Variants in PIK3C3 observed in about 807,000 individuals in gnomAD.
PIK3C3 encodes PI3-kinase type 3.
A neutral mutation model predicts 126.1 loss-of-function variants in PIK3C3; 95 were observed. The ratio of observed to expected loss-of-function variants is 0.75; its 90% CI spans 0.64 to 0.89. PIK3C3 has a LOEUF of 0.89. PIK3C3 is among the 40% of genes least tolerant of loss of function. The probability of loss-of-function intolerance (pLI) is 0.00; values close to 1 mark genes in which losing one functional copy is unlikely to be tolerated. For missense variants in PIK3C3, 829 were observed against 1,063.2 expected (o/e 0.78, Z 3.06); for synonymous variants, 374 against 360.0 (o/e 1.04, Z -0.44).
intron 15 of PIK3C3, among the ~76,000 whole-genome samples, chr18:42,030,726 C>G (rs905298717): frequency 6.6e-6 from 1 of 152,202 alleles, no homozygotes; most frequent in African/African-American, 2.4e-5. Context: ...CCCCCTGTAG[C>G]ACCTCTCCCC....
At chr18:42,001,604 C>T (rs900194011) in intron 9 of PIK3C3, among the ~76,000 whole-genome samples, 7 of 152,130 alleles carry the variant, frequency 4.6e-5, no homozygotes, top group Admixed American at 4.6e-4. Context: ...TCTGTTGGCT[C>T]CTTGTTTACA....
At chr18:41,966,895 A>G (rs1443212540) in intron 3 of PIK3C3, among the ~76,000 whole-genome samples, 1 of 152,198 alleles carries the variant, frequency 6.6e-6, no homozygotes, top group Non-Finnish European at 1.5e-5. Flanking sequence ...AACATAACGT[A>G]AGATTTTAAT....
chr18:41,986,906 G>A (rs866066844), intron 4 of PIK3C3, among the ~76,000 whole-genome samples: 1 of 152,142 alleles, frequency 6.6e-6, no homozygotes, highest in African/African-American at 2.4e-5. Context: ...TGACCACATA[G>A]TTGTGATGAG....
At chr18:42,025,682 A>T (rs1359058228) in intron 13 of PIK3C3, 1 of 152,216 alleles carries the variant, frequency 6.6e-6, no homozygotes, top group African/African-American at 2.4e-5. Flanking sequence ...AATGACAAAC[A>T]GTGTCTTGAA....
Position 42,032,624 on chromosome 18 carries a change from T to TTTTATTTATTTA in PIK3C3, c.1708-1170_1708-1159dup, listed in dbSNP as rs139558444. Among the ~76,000 whole-genome samples the TTTTATTTATTTA allele has an allele frequency of 2.6e-3, 376 of 144,054 alleles. 1 individual carries two copies. Among genetic ancestry groups the TTTTATTTATTTA allele is most frequent in the East Asian group, 5.4e-3 (26 of 4,796 alleles). 94.5% of individuals were successfully genotyped at this position (144,054 alleles called of 152,430 possible). ...CCATTCTTATTTTACTTTCTGGTTA[T>TTTTATTTATTTA]TTTATTTATTTATTTATTTATTTAT... On this transcript the variant is annotated intron_variant, in intron 15 of 24. Coordinates refer to ENST00000262039, the MANE Select transcript of PIK3C3 (RefSeq NM_002647.4).
chr18:42,042,074 T>G (rs924296221), intron 19 of PIK3C3, among the ~76,000 whole-genome samples: 1 of 152,196 alleles, frequency 6.6e-6, no homozygotes, highest in Non-Finnish European at 1.5e-5. Flanking sequence ...TCAAATAATA[T>G]GCTTTATACT....
At chr18:41,969,737 T>G (rs1367707598) in intron 3 of PIK3C3, among the ~76,000 whole-genome samples, 1 of 152,196 alleles carries the variant, frequency 6.6e-6, no homozygotes, top group East Asian at 1.9e-4. Flanking sequence ...TCTAAGTACT[T>G]TTTACTTGTA....
Position 42,072,063 on chromosome 18 carries a change from C to A in PIK3C3, c.2649+4550C>A, listed in dbSNP as rs146290293. On this transcript the variant is annotated intron_variant, in intron 24 of 24. Coordinates refer to ENST00000262039, the MANE Select transcript of PIK3C3 (RefSeq NM_002647.4). ...GAGTTTATTTTCTCTTTGAAACTCA[C>A]TTGTCTACATATATTGTCTAAGTAT... Among the ~76,000 whole-genome samples, 1,482 of 152,284 alleles carry A rather than the reference C, an allele frequency of 9.7e-3. 16 individuals are homozygous for A. The highest frequency in any genetic ancestry group is 0.034 in the African/African-American group (1,409 of 41,550).
intron 20 of PIK3C3, among the ~76,000 whole-genome samples, chr18:42,049,134 C>G (rs2144489406): frequency 6.6e-6 from 1 of 152,230 alleles, no homozygotes; most frequent in East Asian, 1.9e-4. Context: ...TTTCCACAGA[C>G]TTAAAAAACA....
intron 3 of PIK3C3, among the ~76,000 whole-genome samples, chr18:41,963,411 A>G (rs1371200877): frequency 6.6e-6 from 1 of 152,024 alleles, no homozygotes; most frequent in African/African-American, 2.4e-5. Flanking sequence ...TGCTGTCTTT[A>G]CTCTTTATAA....
chr18:42,008,372 G>A (rs975759842), intron 10 of PIK3C3, among the ~76,000 whole-genome samples: 2 of 152,140 alleles, frequency 1.3e-5, no homozygotes, highest in East Asian at 3.8e-4. Flanking sequence ...ATGAGCAAGA[G>A]CAAGGGAACT....
chr18:42,079,996 A>AGTGTGT (rs1208279657), intron 24 of PIK3C3, among the ~76,000 whole-genome samples: 1 of 135,620 alleles, frequency 7.4e-6, no homozygotes, highest in African/African-American at 3.1e-5. Flanking sequence ...TGTAAGAGAG[A>AGTGTGT]GAGTGTGTGT....
In PIK3C3 at chr18:42,066,474, G is replaced by A. The variant is rs1345149555; in HGVS notation, c.2524-914G>A. Among the ~76,000 whole-genome samples the A allele has an allele frequency of 2.6e-5, 4 of 152,190 alleles. No homozygotes were observed. In the East Asian group the frequency reaches 7.7e-4, roughly 29 times the overall value. ...TGTGGGTTATTTACAAGAGAAAGGA[G>A]TAGTCTGTAATGGTTGTGTGTGGTG... On this transcript the variant is annotated intron_variant, in intron 23 of 24. Coordinates refer to ENST00000262039, the MANE Select transcript of PIK3C3 (RefSeq NM_002647.4).
At chr18:42,007,797 A>G (rs1233468376) in intron 10 of PIK3C3, among the ~76,000 whole-genome samples, 1 of 152,184 alleles carries the variant, frequency 6.6e-6, no homozygotes, top group African/African-American at 2.4e-5. Flanking sequence ...CTAGTTTTTC[A>G]TTGCATTAGC....
chr18:42,020,726 G>A (rs1983282935), intron 13 of PIK3C3, 21 bp downstream of exon 13: 2 of 1,404,234 alleles, frequency 1.4e-6, no homozygotes, highest in Non-Finnish European at 2.0e-6. Context: ...ATAATTTTCT[G>A]TTTATTTTCT....
In PIK3C3 at chr18:42,037,776, C is replaced by T. The variant is rs765611552; in HGVS notation, c.1924C>T (p.Arg642Cys). The change falls in exon 17 of 25, where the codon CGT (arginine) becomes TGT (cysteine). Residue 642 changes from arginine (R) to cysteine (C), a missense_variant. Arg to Cys is a radical substitution (Grantham distance 180, BLOSUM62 -3). This residue lies in a region of PIK3C3 where 196 missense variants were observed against 312.8 expected (regional missense o/e 0.63). Coordinates refer to ENST00000262039, the MANE Select transcript of PIK3C3 (RefSeq NM_002647.4). ...TATATTTAAGCATGGAGATGATTTA[C>T]GTCAAGATCAACTTATTCTTCAAAT... ...PVIFKHGDDL[R>C]QDQLILQIIS... 5.6e-6 allele frequency: 9 copies of T among 1,611,594 alleles called. No individual in the cohort carries two copies. The highest frequency in any genetic ancestry group is 2.7e-5 in the African/African-American group (2 of 74,844).
chr18:42,034,306 A>C (rs190909369), intron 16 of PIK3C3, among the ~76,000 whole-genome samples: 61 of 152,286 alleles, frequency 4.0e-4, no homozygotes, highest in African/African-American at 1.4e-3. Flanking sequence ...TTCCCACCTC[A>C]GCCTCCCAAA....
intron 3 of PIK3C3, among the ~76,000 whole-genome samples, chr18:41,963,826 CTTT>C (rs71370022): frequency 1.5e-5 from 2 of 134,108 alleles, no homozygotes; most frequent in Non-Finnish European, 1.6e-5. Flanking sequence ...AAATTCTTTG[CTTT>C]TTTTTTTTTT....
At chr18:42,003,287 G>A (rs1489723496) in intron 9 of PIK3C3, among the ~76,000 whole-genome samples, 1 of 152,022 alleles carries the variant, frequency 6.6e-6, no homozygotes, top group Admixed American at 6.6e-5. Flanking sequence ...GCAGAGCAGG[G>A]GTCTTAACAT....
Sources: gnomAD v4.1 joint callset for allele counts (sites outside exome capture counted in the v4.1 genomes callset) on GRCh38, gnomAD v4.1.1 for gene constraint, gnomAD v4.1.1 regional missense constraint, MANE v1.5 for transcripts, NCBI Gene and HGNC (gene_info 2026-07-23, HGNC 2026-07-21) for gene names.